The following ZNF695 variants were observed in gnomAD, a reference collection of about 807,000 sequenced individuals.
The protein encoded by ZNF695 is zinc finger protein SBZF3.
A neutral mutation model predicts 11.2 loss-of-function variants in ZNF695; 11 were observed. The observed-to-expected ratio is 0.98, with a 90% CI of 0.62 to 1.62. The LOEUF (loss-of-function observed/expected upper bound fraction) is 1.62, where lower values mean the gene tolerates loss of function less well. ZNF695 is among the 40% of genes most tolerant of loss of function. The pLI is 0.00. For synonymous variants in ZNF695, 190 were observed against 201.4 expected (o/e 0.94, Z 0.48); for missense variants, 559 against 590.5 (o/e 0.95, Z 0.55).
intron 3 of ZNF695, among the ~76,000 whole-genome samples, chr1:246,996,459 T>G (rs1041870370): frequency 3.3e-5 from 5 of 152,156 alleles, no homozygotes; most frequent in African/African-American, 1.2e-4. Context: ...TTACTCAGCT[T>G]TTACAAAGCA....
Position 246,986,943 on chromosome 1 carries a change from T to C in ZNF695, c.*24A>G. 1 of 1,539,410 alleles carries C rather than the reference T, an allele frequency of 6.5e-7. No homozygotes were observed. Among genetic ancestry groups the C allele is most frequent in the Non-Finnish European group, 8.7e-7 (1 of 1,149,070 alleles). ...AATAGGTATTAAAGACTATGCCATA[T>C]TGTTTAGAATTGTAGGGTTTTTCTC... On this transcript the variant is annotated 3_prime_UTR_variant, in exon 4 of 4. Transcript: ENST00000339986.
intron 3 of ZNF695, among the ~76,000 whole-genome samples, chr1:246,997,690 T>A (rs1669251796): frequency 6.6e-6 from 1 of 152,144 alleles, no homozygotes; most frequent in Non-Finnish European, 1.5e-5. Context: ...GCTGAATGGA[T>A]AAAGAAAATG....
chr1:246,958,543 G>A (rs998933425), intron 5 of ZNF695, among the ~76,000 whole-genome samples: 1 of 152,142 alleles, frequency 6.6e-6, no homozygotes, highest in Admixed American at 6.6e-5. Flanking sequence ...GGTCTAGTGA[G>A]GAATTCTGGC....
In ZNF695 at chr1:246,986,303, A is replaced by G. The variant is rs768921620; in HGVS notation, c.*664T>C. The G allele has an allele frequency of 3.3e-6, 3 of 909,086 alleles. No individual in the cohort carries two copies. Among genetic ancestry groups the G allele is most frequent in the Non-Finnish European group, 3.9e-6 (3 of 760,452 alleles). 56.3% of individuals were successfully genotyped at this position (909,086 alleles called of 1,614,324 possible). ...GCCTGGTCCCAAACTCCTGGGCTCA[A>G]GCAATCCCCCGACCTCGGCATCCAA... On this transcript the variant is annotated 3_prime_UTR_variant, in exon 4 of 4. Transcript: ENST00000339986.
intron 4 of ZNF695, among the ~76,000 whole-genome samples, chr1:246,978,420 C>T (rs1260468256): frequency 6.6e-6 from 1 of 152,174 alleles, no homozygotes; most frequent in Non-Finnish European, 1.5e-5. Context: ...TAAGGTTTTA[C>T]ATTTTGATAA....
chr1:247,007,998 G>T lies in ZNF695; in HGVS notation c.-90C>A. On this transcript the variant is annotated 5_prime_UTR_variant, in exon 1 of 4. Transcript: ENST00000339986. ...CGATGGAGCCTGCGGCAGTCACCCG[G>T]GACTCTCCGAGAGGCAGCAGACGGG... is the stretch of plus-strand genomic sequence containing the variant. 1 of 1,374,656 alleles carries T rather than the reference G, an allele frequency of 7.3e-7. No individual in the cohort carries two copies. The allele number at this position is 1,374,656 out of a possible 1,614,324, so 85.2% of individuals were successfully genotyped here.
chr1:246,964,594 G>C (rs979408716), intron 5 of ZNF695, among the ~76,000 whole-genome samples: 14 of 152,206 alleles, frequency 9.2e-5, no homozygotes, highest in Admixed American at 3.9e-4. Context: ...TCCCTGGCTG[G>C]GCCCAGTGGC....
intron 5 of ZNF695, among the ~76,000 whole-genome samples, chr1:246,959,313 ATATATATATATATATATATATAT>A (rs1668101913): frequency 1.3e-4 from 5 of 39,480 alleles, no homozygotes; most frequent in African/African-American, 2.3e-4. Flanking sequence ...AAAAAAAAAT[ATATATATATATATATATATATAT>A]ATATATATAT....
intron 3 of ZNF695, 85 bp downstream of exon 3, chr1:246,999,263 A>G: frequency 9.0e-7 from 1 of 1,105,386 alleles, no homozygotes; most frequent in Non-Finnish European, 1.4e-6. Flanking sequence ...CTGGGAGTAG[A>G]GCTTCCCAAA....
At chr1:247,000,855 T>G (rs183999152) in intron 1 of ZNF695, among the ~76,000 whole-genome samples, 4 of 152,188 alleles carry the variant, frequency 2.6e-5, no homozygotes, top group Non-Finnish European at 2.9e-5. Context: ...CACAAACAAG[T>G]CTACATAACA....
In ZNF695 at chr1:246,976,582, G is replaced by A. The variant is rs12136946; in HGVS notation, c.391-8790C>T. On this transcript the variant is annotated intron_variant, in intron 4 of 5. Transcript: ENST00000487338. Reference sequence around the variant, plus strand: ...GGCCAAGGCGGGCAGATCACGAGGTGAGGAGATCGAGACCATCCTGGCTAA... The same window carrying A: ...GGCCAAGGCGGGCAGATCACGAGGTAAGGAGATCGAGACCATCCTGGCTAA... 9.1e-4 allele frequency among the ~76,000 whole-genome samples: 137 copies of A among 151,184 alleles called. 1 individual carries two copies. Among genetic ancestry groups the A allele is most frequent in the Middle Eastern group, 3.4e-3 (1 of 294 alleles).
At chr1:246,993,535 G>A (rs1669105333) in intron 3 of ZNF695, among the ~76,000 whole-genome samples, 1 of 152,106 alleles carries the variant, frequency 6.6e-6, no homozygotes, top group South Asian at 2.1e-4. Flanking sequence ...CCAGAACAAT[G>A]CCACTTTATA....
At position 246,987,894 on chromosome 1, in the gene ZNF695, A is replaced by G; in HGVS notation, c.621T>C (p.Ile207=). 1.9e-6 allele frequency: 3 copies of G among 1,609,414 alleles called. No homozygotes were observed. The highest frequency in any genetic ancestry group is 2.5e-6 in the Non-Finnish European group (3 of 1,178,682). The change falls in exon 4 of 4, where the codon ATT becomes ATC. Residue 207 remains isoleucine (I), a synonymous_variant. Transcript: ENST00000339986. ...LIMTQQQRIH[I]GENPYQCKKC... ...TTTTACATTGGTACGGGTTCTCTCCAATATGGATTCTCTGCTGTTGAGTCA... is the reference window on the plus strand; with the variant it reads ...TTTTACATTGGTACGGGTTCTCTCCGATATGGATTCTCTGCTGTTGAGTCA...
chr1:246,986,616 G>A lies in ZNF695; in HGVS notation c.*351C>T, dbSNP rs4971306. The A allele has an allele frequency of 0.65, 660,381 of 1,012,720 alleles. 218,650 individuals are homozygous for A. The highest frequency in any genetic ancestry group is 0.97 in the East Asian group (10,114 of 10,382). 62.7% of individuals were successfully genotyped at this position (1,012,720 alleles called of 1,614,324 possible). A position where few individuals can be genotyped will look rare whatever the true frequency, so the allele number is the denominator to read the frequency against. On this transcript the variant is annotated 3_prime_UTR_variant, in exon 4 of 4. Coordinates refer to ENST00000339986, the MANE Select transcript of ZNF695 (RefSeq NM_020394.5). ...TAGTGTGAACACTCTGGTGTTTTCT[G>A]AGGTATATTTTTTGAACAAATGTTG...
At chr1:246,972,144 C>T (rs567910998) in intron 4 of ZNF695, among the ~76,000 whole-genome samples, 3 of 152,350 alleles carry the variant, frequency 2.0e-5, no homozygotes, top group East Asian at 1.9e-4. Flanking sequence ...TGTAGCAGGT[C>T]GGTGCTCCGC....
chr1:246,994,941 A>G (rs1669156045), intron 3 of ZNF695, among the ~76,000 whole-genome samples: 1 of 152,258 alleles, frequency 6.6e-6, no homozygotes, highest in Non-Finnish European at 1.5e-5. Flanking sequence ...CAGAAAACCT[A>G]TGACAAATGT....
chr1:247,005,108 A>G (rs1669495564), intron 1 of ZNF695, among the ~76,000 whole-genome samples: 1 of 152,226 alleles, frequency 6.6e-6, no homozygotes, highest in Non-Finnish European at 1.5e-5. Flanking sequence ...TTGGAACCAC[A>G]AAAGACTAAG....
At chr1:246,984,152 C>CAAAAAA (rs11321674), downstream of ZNF695, among the ~76,000 whole-genome samples, 4 of 91,610 alleles carry the variant, frequency 4.4e-5, no homozygotes, top group Non-Finnish European at 8.1e-5. Context: ...ACCATGTCTC[C>CAAAAAA]AAAAAAAAAA....
intron 5 of ZNF695, among the ~76,000 whole-genome samples, chr1:246,957,520 T>A (rs1668031548): frequency 6.6e-6 from 1 of 152,238 alleles, no homozygotes; most frequent in African/African-American, 2.4e-5. Context: ...ACTATTCTTT[T>A]CATCTTTTTC....
Sources: allele counts gnomAD v4.1 joint callset (sites outside exome capture counted in the v4.1 genomes callset), GRCh38; gene constraint gnomAD v4.1.1; transcripts MANE v1.5; gene names NCBI Gene and HGNC (gene_info 2026-07-23, HGNC 2026-07-21).